The following ZNF641 variants were observed in gnomAD, a reference collection of about 807,000 sequenced individuals.
ZNF641 encodes the protein zinc finger protein 641.
ZNF641 carries 26 observed loss-of-function variants against 46.2 expected under a neutral mutation model. The ratio of observed to expected loss-of-function variants is 0.56; its 90% CI spans 0.41 to 0.78. ZNF641 has a LOEUF of 0.78. Among genes scored for constraint, ZNF641 ranks in the 30% least tolerant of loss-of-function variants. The pLI is 0.00. For missense variants in ZNF641, 469 were observed against 517.8 expected (o/e 0.91, Z 0.91); for synonymous variants, 163 against 187.9 (o/e 0.87, Z 1.09).
chr12:48,351,193 T>A (rs925547229), upstream of ZNF641: 5 of 152,396 alleles, frequency 3.3e-5, no homozygotes, highest in East Asian at 9.7e-4. Context: ...TTGCCCGCAC[T>A]CTTGCCTGAC....
At position 48,338,334 on chromosome 12, in the gene ZNF641, T is replaced by C. The variant is rs1184660850; in HGVS notation, c.*4639A>G. ...CAAAACTCAAACAAACAAAAAAATC[T>C]GAAAAAGAGTATGAACAAATTGTAG... On this transcript the variant is annotated 3_prime_UTR_variant, in exon 6 of 6. Transcript: ENST00000547026. The C allele has an allele frequency of 6.6e-6, 1 of 152,078 alleles. No individual in the cohort carries two copies. Among genetic ancestry groups the C allele is most frequent in the East Asian group, 1.9e-4 (1 of 5,194 alleles). 9.4% of individuals were successfully genotyped at this position (152,078 alleles called of 1,614,324 possible).
At chr12:48,349,920 G>T in intron 1 of ZNF641, 1 of 1,119,820 alleles carries the variant, frequency 8.9e-7, no homozygotes, top group Non-Finnish European at 1.4e-6. Context: ...CCCCCAGGTA[G>T]CAGAGTCTCT....
In ZNF641 at chr12:48,344,567, G is replaced by C. The variant is rs1271321468; in HGVS notation, c.520+32C>G. On this transcript the variant is annotated intron_variant, in intron 5 of 5. Transcript: ENST00000547026. Reference sequence around the variant, plus strand: ...AATGATGATGTCCCGAACTGTGAAGGAAGTGGCTGAAAGCCTATTCTAGGT... The same window carrying C: ...AATGATGATGTCCCGAACTGTGAAGCAAGTGGCTGAAAGCCTATTCTAGGT... 3 of 1,379,690 alleles carry C rather than the reference G, an allele frequency of 2.2e-6. No individual in the cohort carries two copies. The South Asian group carries it at 3.6e-5, about 16-fold the overall frequency. 85.5% of individuals were successfully genotyped at this position (1,379,690 alleles called of 1,614,324 possible).
Position 48,350,807 on chromosome 12 carries a change from G to A in ZNF641, c.-47C>T. 1.0e-6 allele frequency: 1 copy of A among 984,318 alleles called. No individual in the cohort carries two copies. Among genetic ancestry groups the A allele is most frequent in the Non-Finnish European group, 1.2e-6 (1 of 828,968 alleles). 61.0% of individuals were successfully genotyped at this position (984,318 alleles called of 1,614,324 possible). A position where few individuals can be genotyped will look rare whatever the true frequency, so the allele number is the denominator to read the frequency against. ...TCACCCCCGGTAGGCTTGGCCCGCG[G>A]CCCGGTGCCTCCCTCCCGGGCGCCG... On this transcript the variant is annotated 5_prime_UTR_variant, in exon 1 of 6. Coordinates refer to ENST00000547026, the MANE Select transcript of ZNF641 (RefSeq NM_001172681.2).
intron 4 of ZNF641, 125 bp downstream of exon 4, chr12:48,345,220 G>A (rs905097000): frequency 2.1e-5 from 22 of 1,051,248 alleles, no homozygotes; most frequent in African/African-American, 8.0e-5. Context: ...TTTCTCCAGC[G>A]GAAGCATAGA....
Position 48,337,667 on chromosome 12 carries a change from CA to C in ZNF641, c.*5305del, listed in dbSNP as rs56273965. 0.4 allele frequency: 49,139 copies of C among 122,560 alleles called. 9,011 individuals carry two copies. Among genetic ancestry groups the C allele is most frequent in the Non-Finnish European group, 0.45 (26,448 of 59,270 alleles). 7.6% of individuals were successfully genotyped at this position (122,560 alleles called of 1,614,324 possible). ...AACCCCGTCTCTACTAAAAAAAATA[CA>C]AAAAAAAAAAAAAAAATAGGCGTGG... On this transcript the variant is annotated 3_prime_UTR_variant, in exon 6 of 6. Transcript: ENST00000547026.
chr12:48,346,286 T>C (rs1952868888), intron 3 of ZNF641, among the ~76,000 whole-genome samples: 1 of 152,104 alleles, frequency 6.6e-6, no homozygotes, highest in South Asian at 2.1e-4. Context: ...TGCCACTTTC[T>C]TGCAGCATGA....
rs1188235620 is a variant in ZNF641 at position 48,345,274 on chromosome 12, A to G, written c.406+71T>C. On this transcript the variant is annotated intron_variant, in intron 4 of 5. Coordinates refer to ENST00000547026, the MANE Select transcript of ZNF641 (RefSeq NM_001172681.2). ...AAGAGTCCTAGACAGACACTATCCAATAGCCCTGAAGCAGATGGCTCCGTC... is the reference window on the plus strand; with the variant it reads ...AAGAGTCCTAGACAGACACTATCCAGTAGCCCTGAAGCAGATGGCTCCGTC... 2.5e-6 allele frequency: 4 copies of G among 1,569,800 alleles called. No individual in the cohort carries two copies. In the East Asian group the frequency reaches 9.0e-5, roughly 35 times the overall value.
Position 48,347,913 on chromosome 12 carries a change from C to T in ZNF641, c.178G>A (p.Glu60Lys), listed in dbSNP as rs1952925305. The T allele has an allele frequency of 6.2e-7, 1 of 1,613,770 alleles. No individual in the cohort carries two copies. Among genetic ancestry groups the T allele is most frequent in the African/African-American group, 1.3e-5 (1 of 74,916 alleles). Reference protein sequence around the residue: ...DLEEEPQSLQEKAQSAPWVPA... With the variant: ...DLEEEPQSLQKKAQSAPWVPA... ...ACACTCTGTGAGTTCTCACCCTTCTCCTGAAGGGACTGTGGCTCCTCTTCA... is the reference window on the plus strand; with the variant it reads ...ACACTCTGTGAGTTCTCACCCTTCTTCTGAAGGGACTGTGGCTCCTCTTCA... The change falls in exon 2 of 6, where the codon GAG becomes AAG. Residue 60 changes from glutamate (E) to lysine (K), a missense_variant. Physicochemically the swap from Glu to Lys is moderately conservative, Grantham distance 56. Around this residue, in one of 3 missense-constraint regions of ZNF641, gnomAD observed 98 missense variants for 105.7 expected, o/e 0.93. Transcript: ENST00000547026.
At position 48,340,470 on chromosome 12, in the gene ZNF641, A is replaced by T. The variant is rs1952693386; in HGVS notation, c.*2503T>A. On this transcript the variant is annotated 3_prime_UTR_variant, in exon 6 of 6. Coordinates refer to ENST00000547026, the MANE Select transcript of ZNF641 (RefSeq NM_001172681.2). ...CAGATCTTTTTGAAAACCAGAGAGT[A>T]GAATGTAAGCAATACCCTTGTCGTA... 1 of 985,370 alleles carries T rather than the reference A, an allele frequency of 1.0e-6. No individual in the cohort carries two copies. Among genetic ancestry groups the T allele is most frequent in the Non-Finnish European group, 1.2e-6 (1 of 829,942 alleles). 61.0% of individuals were successfully genotyped at this position (985,370 alleles called of 1,614,324 possible).
downstream of ZNF641, among the ~76,000 whole-genome samples, chr12:48,335,435 A>C (rs1419226469): frequency 6.6e-6 from 1 of 152,190 alleles, no homozygotes; most frequent in Admixed American, 6.5e-5. Flanking sequence ...ATTTCCTAAA[A>C]ATCATCACAC....
At position 48,343,268 on chromosome 12, in the gene ZNF641, A is replaced by G; in HGVS notation, c.980T>C (p.Val327Ala). The G allele has an allele frequency of 2.5e-6, 4 of 1,613,910 alleles. No individual in the cohort carries two copies. The highest frequency in any genetic ancestry group is 3.4e-6 in the Non-Finnish European group (4 of 1,179,968). ...CNSHLASHQR[V>A]HAEGKSCKGQ... The stretch of plus-strand genomic sequence containing the variant: ...TTTGCAGGATTTGCCTTCTGCATGC[A>G]CTCTCTGGTGGCTGGCCAGATGGGA... Residue 327 changes from valine to alanine, a missense_variant, in exon 6 of 6, where the codon GTG (valine) becomes GCG (alanine). Transcript: ENST00000547026.
In ZNF641 at chr12:48,340,616, G is replaced by A; in HGVS notation, c.*2357C>T. ...ATATATAATGACCATTTTAGATCGGGGAACTCCCTTTCTTTGAAGGCAGTT... is the reference window on the plus strand; with the variant it reads ...ATATATAATGACCATTTTAGATCGGAGAACTCCCTTTCTTTGAAGGCAGTT... On this transcript the variant is annotated 3_prime_UTR_variant, in exon 6 of 6. Coordinates refer to ENST00000547026, the MANE Select transcript of ZNF641 (RefSeq NM_001172681.2). 1 of 985,400 alleles carries A rather than the reference G, an allele frequency of 1.0e-6. No homozygotes were observed. Among genetic ancestry groups the A allele is most frequent in the Middle Eastern group, 5.2e-4 (1 of 1,914 alleles). 61.0% of individuals were successfully genotyped at this position (985,400 alleles called of 1,614,324 possible). A position where few individuals can be genotyped will look rare whatever the true frequency, so the allele number is the denominator to read the frequency against.
chr12:48,346,414 C>T (rs1230947090), intron 3 of ZNF641, among the ~76,000 whole-genome samples: 1 of 152,164 alleles, frequency 6.6e-6, no homozygotes, highest in Non-Finnish European at 1.5e-5. Flanking sequence ...AAATGGCATA[C>T]ATGATAAACA....
At chr12:48,345,980 C>T (rs2732460) in intron 3 of ZNF641, among the ~76,000 whole-genome samples, 117,115 of 151,232 alleles carry the variant, frequency 0.77, 46,242 homozygotes, top group Non-Finnish European at 0.86. Flanking sequence ...CTTGGCTCAC[C>T]GCAACCTCCA....
rs1953017102 is a variant in ZNF641, at chr12:48,350,877, G to A, written c.-117C>T. On this transcript the variant is annotated 5_prime_UTR_variant, in exon 1 of 6. Transcript: ENST00000547026. ...CTCCGCTTGCGTCTGGGAGCCGGCG[G>A]CCGGCGGAGCCAGCGACAGGCGGAG... 1 of 985,064 alleles carries A rather than the reference G, an allele frequency of 1.0e-6. No individual in the cohort carries two copies. 61.0% of individuals were successfully genotyped at this position (985,064 alleles called of 1,614,324 possible).
Position 48,341,673 on chromosome 12 carries a change from T to G in ZNF641, c.*1300A>C, listed in dbSNP as rs1952720301. The G allele has an allele frequency of 1.0e-6, 1 of 985,332 alleles. No homozygotes were observed. The highest frequency in any genetic ancestry group is 1.2e-6 in the Non-Finnish European group (1 of 829,950). The allele number at this position is 985,332 out of a possible 1,614,324, so 61.0% of individuals were successfully genotyped here. A position where few individuals can be genotyped will look rare whatever the true frequency, so the allele number is the denominator to read the frequency against. On this transcript the variant is annotated 3_prime_UTR_variant, in exon 6 of 6. Coordinates refer to ENST00000547026, the MANE Select transcript of ZNF641 (RefSeq NM_001172681.2). The stretch of plus-strand genomic sequence containing the variant: ...AAACACGTAATTCCTGCCCTAATTT[T>G]CCAGCACTTAAAACAAAATCCCCAC...
upstream of ZNF641, chr12:48,350,971 G>T (rs1356125060): frequency 1.8e-6 from 1 of 541,330 alleles, no homozygotes; most frequent in African/African-American, 2.1e-5. Flanking sequence ...CCGGGGCTCT[G>T]CGGCGGCGGA....
chr12:48,340,711 T>C lies in ZNF641; in HGVS notation c.*2262A>G. 6 of 985,452 alleles carry C rather than the reference T, an allele frequency of 6.1e-6. No homozygotes were observed. Among genetic ancestry groups the C allele is most frequent in the Non-Finnish European group, 7.2e-6 (6 of 829,934 alleles). 61.0% of individuals were successfully genotyped at this position (985,452 alleles called of 1,614,324 possible). On this transcript the variant is annotated 3_prime_UTR_variant, in exon 6 of 6. Coordinates refer to ENST00000547026, the MANE Select transcript of ZNF641 (RefSeq NM_001172681.2). The stretch of plus-strand genomic sequence containing the variant: ...AAAACTGAGTGAATTACAAATGTCT[T>C]TTTCTCAAAAGTGCGTTTCTGGTTT...
Sources: allele counts gnomAD v4.1 joint callset (sites outside exome capture counted in the v4.1 genomes callset), GRCh38; gene constraint gnomAD v4.1.1; regional missense constraint gnomAD v4.1.1; transcripts MANE v1.5; gene names NCBI Gene and HGNC (gene_info 2026-07-23, HGNC 2026-07-21).